Variants in HLCS observed in about 807,000 individuals in gnomAD.
The protein encoded by HLCS is biotin--protein ligase.
HLCS carries 53 observed loss-of-function variants against 75.0 expected under a neutral mutation model. The observed-to-expected ratio is 0.71, with a 90% CI of 0.57 to 0.89. HLCS has a LOEUF of 0.89. Ranked by LOEUF, HLCS falls within the 40% of genes least tolerant of loss-of-function variation. The probability of loss-of-function intolerance (pLI) is 0.00; values close to 1 mark genes in which losing one functional copy is unlikely to be tolerated. For missense variants in HLCS, 966 were observed against 1,074.0 expected, an observed-to-expected ratio of 0.90 and a Z score of 1.41; for synonymous variants, 431 against 428.6, an observed-to-expected ratio of 1.01 and a Z score of -0.07.
rs147956143 is a variant in HLCS at position 36,941,630 on chromosome 21, A to G, written c.331-2636T>C. Among the ~76,000 whole-genome samples the G allele has an allele frequency of 6.9e-3, 1,048 of 152,268 alleles. 13 individuals carry two copies. Among genetic ancestry groups the G allele is most frequent in the African/African-American group, 0.023 (972 of 41,556 alleles). The stretch of plus-strand genomic sequence containing the variant: ...GGTGGCTCATGCCTGTAATCCCAAC[A>G]CTTTGGGAGGCCGAGGCAGGTAGAC... On this transcript the variant is annotated intron_variant, in intron 2 of 10. Transcript: ENST00000674895.
intron 2 of HLCS, among the ~76,000 whole-genome samples, chr21:36,957,929 G>A (rs1393115993): frequency 3.4e-3 from 221 of 64,394 alleles, no homozygotes; most frequent in African/African-American, 0.011. Context: ...ACTGCGTCTC[G>A]AAAAAAAAAA....
intron 6 of HLCS, among the ~76,000 whole-genome samples, chr21:36,872,990 G>A (rs1190326183): frequency 6.6e-6 from 1 of 152,142 alleles, no homozygotes; most frequent in Non-Finnish European, 1.5e-5. Context: ...AATATTTGGT[G>A]TGTCAGTCTT....
At chr21:36,769,468 C>A (rs759401458) in intron 6 of HLCS, among the ~76,000 whole-genome samples, 3 of 152,102 alleles carry the variant, frequency 2.0e-5, no homozygotes, top group Non-Finnish European at 4.4e-5. Context: ...CCATCCTTAG[C>A]GGATGATGTC....
chr21:36,913,411 T>G (rs1410336838), intron 5 of HLCS, among the ~76,000 whole-genome samples: 4 of 145,392 alleles, frequency 2.8e-5, no homozygotes, highest in Non-Finnish European at 3.0e-5. Context: ...GAGCTGGGGG[T>G]GGGGTAGGAG....
At position 36,807,730 on chromosome 21, in the gene HLCS, C is replaced by T. The variant is rs743429; in HGVS notation, c.1893-40445G>A. Among the ~76,000 whole-genome samples, 5 of 152,156 alleles carry T rather than the reference C, an allele frequency of 3.3e-5. No individual in the cohort carries two copies. The South Asian group carries it at 8.3e-4, about 25-fold the overall frequency. On this transcript the variant is annotated intron_variant, in intron 6 of 10. Transcript: ENST00000674895. The stretch of plus-strand genomic sequence containing the variant: ...TCACCACGACCCTGTTCTGTGGATC[C>T]GGCTGGACGCATCCAGAGGTGGGAG...
rs1193667971 is a variant in HLCS at position 36,781,662 on chromosome 21, CAGAT to C, written c.1893-14381_1893-14378del. Among the ~76,000 whole-genome samples, 5 of 152,230 alleles carry C rather than the reference CAGAT, an allele frequency of 3.3e-5. No individual in the cohort carries two copies. In the East Asian group the frequency reaches 9.6e-4, roughly 29 times the overall value. ...TAAGGTTTCTCATTTCCTCTGCAAA[CAGAT>C]AGTTTTACTTCTTTTTCAATGATAC... is the stretch of plus-strand genomic sequence containing the variant. On this transcript the variant is annotated intron_variant, in intron 6 of 10. Coordinates refer to ENST00000674895, the MANE Select transcript of HLCS (RefSeq NM_001352514.2).
At chr21:36,841,270 T>C (rs1313607428) in intron 6 of HLCS, among the ~76,000 whole-genome samples, 2 of 152,228 alleles carry the variant, frequency 1.3e-5, no homozygotes, top group African/African-American at 2.4e-5. Context: ...TTCGGGGAAT[T>C]TGTCTGTCTT....
At chr21:36,890,709 T>C (rs538712055) in intron 6 of HLCS, among the ~76,000 whole-genome samples, 8 of 152,104 alleles carry the variant, frequency 5.3e-5, no homozygotes, top group African/African-American at 1.9e-4. Flanking sequence ...CCTCAAAAAA[T>C]ACCACACCCT....
intron 6 of HLCS, among the ~76,000 whole-genome samples, chr21:36,768,211 T>C (rs1004085743): frequency 6.6e-6 from 1 of 152,188 alleles, no homozygotes; most frequent in South Asian, 2.1e-4. Context: ...GCCTCTTTGA[T>C]TTTTTTCTTT....
chr21:36,951,672 A>G (rs1297674912), intron 2 of HLCS, among the ~76,000 whole-genome samples: 1 of 152,236 alleles, frequency 6.6e-6, no homozygotes, highest in Non-Finnish European at 1.5e-5. Context: ...GGCATATAAC[A>G]GGCACTCAAT....
chr21:36,933,193 T>C (rs568711065), intron 4 of HLCS, among the ~76,000 whole-genome samples: 207 of 152,240 alleles, frequency 1.4e-3, no homozygotes, highest in Non-Finnish European at 1.8e-3. Flanking sequence ...CCACAGCTGA[T>C]TGGCTGCAGG....
At chr21:36,783,562 C>G (rs1163037305) in intron 6 of HLCS, among the ~76,000 whole-genome samples, 1 of 151,916 alleles carries the variant, frequency 6.6e-6, no homozygotes, top group African/African-American at 2.4e-5. Context: ...GGTAGGTAGT[C>G]GAGGAAAAGG....
intron 4 of HLCS, among the ~76,000 whole-genome samples, chr21:36,931,283 CAAAAAAAAAA>C (rs57829948): frequency 1.3e-4 from 10 of 75,468 alleles, no homozygotes; most frequent in African/African-American, 2.1e-4. Flanking sequence ...AACTCCATCG[CAAAAAAAAAA>C]AAAAAAAAAA....
At chr21:36,892,945 C>T (rs1244163786) in intron 6 of HLCS, among the ~76,000 whole-genome samples, 1 of 152,050 alleles carries the variant, frequency 6.6e-6, no homozygotes, top group African/African-American at 2.4e-5. Context: ...TTGTTCTATC[C>T]AATAGTTTCA....
intron 6 of HLCS, among the ~76,000 whole-genome samples, chr21:36,840,027 C>T (rs2062562308): frequency 1.3e-5 from 2 of 152,224 alleles, no homozygotes; most frequent in African/African-American, 4.8e-5. Flanking sequence ...AACTAATCTT[C>T]ACTATGGCTC....
chr21:36,971,721 C>G (rs1569267630), intron 1 of HLCS: 1 of 151,174 alleles, frequency 6.6e-6, no homozygotes, highest in Admixed American at 6.6e-5. Context: ...CCCACCTACT[C>G]AGGAGGCTGA....
intron 6 of HLCS, among the ~76,000 whole-genome samples, chr21:36,829,006 T>C (rs1182154911): frequency 8.5e-5 from 13 of 152,232 alleles, no homozygotes; most frequent in Admixed American, 8.5e-4. Context: ...ACAGGAGAAA[T>C]GCTTTCTGAA....
At chr21:36,803,002 T>A (rs923064218) in intron 6 of HLCS, among the ~76,000 whole-genome samples, 2 of 152,174 alleles carry the variant, frequency 1.3e-5, no homozygotes, top group African/African-American at 2.4e-5. Context: ...ATTATGGATG[T>A]GAAGAAAAAC....
At chr21:36,756,250 A>G (rs957580309) in intron 10 of HLCS, among the ~76,000 whole-genome samples, 17 of 148,274 alleles carry the variant, frequency 1.1e-4, no homozygotes, top group Non-Finnish European at 2.2e-4. Context: ...CATCCTGGCT[A>G]ACACGGTGAA....
Sources: allele counts gnomAD v4.1 joint callset (sites outside exome capture counted in the v4.1 genomes callset), GRCh38; gene constraint gnomAD v4.1.1; transcripts MANE v1.5; gene names NCBI Gene and HGNC (gene_info 2026-07-23, HGNC 2026-07-21).